The following PLEKHG4B variants were observed in gnomAD, a reference collection of about 807,000 sequenced individuals.
PLEKHG4B encodes pleckstrin homology and RhoGEF domain containing G4B.
PLEKHG4B carries 111 observed loss-of-function variants against 121.3 expected under a neutral mutation model. The observed-to-expected ratio is 0.92, with a 90% CI of 0.78 to 1.07. The LOEUF is 1.07. Ranked by LOEUF, PLEKHG4B falls within the 50% of genes least tolerant of loss-of-function variation. The pLI is 0.00. For missense variants in PLEKHG4B, 1,831 were observed against 1,757.8 expected (o/e 1.04, Z -0.74); for synonymous variants, 738 against 725.0 (o/e 1.02, Z -0.29).
Position 139,828 on chromosome 5 carries a change from G to C in PLEKHG4B, c.589G>C (p.Asp197His), listed in dbSNP as rs1043058269. 2 of 398,732 alleles carry C rather than the reference G, an allele frequency of 5.0e-6. No homozygotes were observed. The highest frequency in any genetic ancestry group is 8.8e-6 in the Non-Finnish European group (2 of 226,318). 24.7% of individuals were successfully genotyped at this position (398,732 alleles called of 1,614,324 possible). A position where few individuals can be genotyped will look rare whatever the true frequency, so the allele number is the denominator to read the frequency against. Residue 197 changes from aspartate (D) to histidine (H), a missense_variant, in exon 3 of 20, where the codon GAC becomes CAC. Asp to His is a moderately conservative substitution (Grantham distance 81). Coordinates refer to ENST00000637938, the MANE Select transcript of PLEKHG4B (RefSeq NM_052909.5). The surrounding 1 kb of genome is among the most constrained non-coding windows in gnomAD (Gnocchi z 5.0). ...CCGAGCCCCGTGGAGCGACGTCACT[G>C]ACCCTGTCTTTGTCCCCAGCCCTGG... ...VHRAPWSDVTDPVFVPSPGAI... is the reference protein window; with the variant it reads ...VHRAPWSDVTHPVFVPSPGAI...
At chr5:115,951 T>C (rs1734296315) in intron 2 of PLEKHG4B, among the ~76,000 whole-genome samples, 1 of 152,250 alleles carries the variant, frequency 6.6e-6, no homozygotes, top group Non-Finnish European at 1.5e-5. Context: ...GAGTGGACTT[T>C]TAATTTCCTT....
Position 172,881 on chromosome 5 carries a change from G to C in PLEKHG4B, c.4051-16G>C, listed in dbSNP as rs747956504. On this transcript the variant is annotated splice_polypyrimidine_tract_variant and intron_variant, in intron 16 of 19. Coordinates refer to ENST00000637938, the MANE Select transcript of PLEKHG4B (RefSeq NM_052909.5). ...GGATTTTCTTGGATGAAATCCACCTGTGTGTTCCTCTGCAGGTGAATTTGA... is the reference window on the plus strand; with the variant it reads ...GGATTTTCTTGGATGAAATCCACCTCTGTGTTCCTCTGCAGGTGAATTTGA... 7.3e-5 allele frequency: 118 copies of C among 1,613,924 alleles called. 1 individual carries two copies. In the South Asian group the frequency reaches 1.2e-3, roughly 17 times the overall value.
chr5:131,721 C>T (rs915834368), intron 2 of PLEKHG4B, among the ~76,000 whole-genome samples: 2 of 152,182 alleles, frequency 1.3e-5, no homozygotes, highest in Non-Finnish European at 2.9e-5. Flanking sequence ...CTAATTTACA[C>T]TCCCACCAAC....
chr5:163,682 G>C lies in PLEKHG4B; in HGVS notation c.3476+134G>C, dbSNP rs571750793. ...GACATCCCTCTGGGTCCACCTGTCC[G>C]GTCTAAGAAGAAACACAATTTTAAA... On this transcript the variant is annotated intron_variant, in intron 13 of 19. Coordinates refer to ENST00000637938, the MANE Select transcript of PLEKHG4B (RefSeq NM_052909.5). 1.1e-5 allele frequency: 9 copies of C among 783,406 alleles called. 1 individual carries two copies. The South Asian group carries it at 1.5e-4, about 13-fold the overall frequency. The allele number at this position is 783,406 out of a possible 1,614,324, so 48.5% of individuals were successfully genotyped here. A position where few individuals can be genotyped will look rare whatever the true frequency, so the allele number is the denominator to read the frequency against.
intron 16 of PLEKHG4B, among the ~76,000 whole-genome samples, chr5:172,311 C>T (rs999088263): frequency 2.0e-5 from 3 of 152,172 alleles, no homozygotes; most frequent in South Asian, 4.1e-4. Flanking sequence ...GCCCGTCATG[C>T]GGGTAAATTC....
intron 5 of PLEKHG4B, 22 bp from the exon 6 acceptor site, chr5:144,805 T>A (rs1735348723): frequency 6.2e-7 from 1 of 1,601,546 alleles, no homozygotes; most frequent in Admixed American, 1.7e-5. Flanking sequence ...GTGGTTAAGA[T>A]GGGCTGTCTT....
intron 7 of PLEKHG4B, among the ~76,000 whole-genome samples, chr5:151,965 T>C (rs1735619249): frequency 6.6e-6 from 1 of 152,254 alleles, no homozygotes; most frequent in Admixed American, 6.5e-5. Flanking sequence ...AAGATACTGC[T>C]CTGTTGCCTT....
At position 156,166 on chromosome 5, in the gene PLEKHG4B, C is replaced by T; in HGVS notation, c.2304C>T (p.Val768=). The T allele has an allele frequency of 6.3e-7, 1 of 1,586,082 alleles. No individual in the cohort carries two copies. The highest frequency in any genetic ancestry group is 8.6e-7 in the Non-Finnish European group (1 of 1,166,650). The part of the protein sequence containing the change: ...LVSLRLEGGT[V]LARLRREELG... ...CTCTCAGGCTGGAGGGGGGCACCGT[C>T]CTGGCGCGGCTGAGGAGAGAAGAGC... Residue 768 remains valine, a synonymous_variant, in exon 10 of 20, where the codon GTC becomes GTT. Coordinates refer to ENST00000637938, the MANE Select transcript of PLEKHG4B (RefSeq NM_052909.5). This position sits in a 1 kb window ranked among gnomAD's most constrained non-coding sequence, Gnocchi z 4.4.
chr5:171,588 T>G, intron 16 of PLEKHG4B, 144 bp downstream of exon 16: 1 of 848,722 alleles, frequency 1.2e-6, no homozygotes, highest in Non-Finnish European at 1.8e-6. Flanking sequence ...CACAGCCTTC[T>G]GAAGGCCGCA....
At chr5:120,226 T>C (rs947635260) in intron 2 of PLEKHG4B, among the ~76,000 whole-genome samples, 2 of 152,194 alleles carry the variant, frequency 1.3e-5, no homozygotes, top group African/African-American at 4.8e-5. Flanking sequence ...GCACTTGGCC[T>C]GGGCAACACA....
intron 7 of PLEKHG4B, among the ~76,000 whole-genome samples, chr5:154,370 C>A (rs1406815395): frequency 6.6e-6 from 1 of 152,130 alleles, no homozygotes; most frequent in African/African-American, 2.4e-5. Flanking sequence ...TGCCTGTTTT[C>A]TGTTGGAGCT....
intron 6 of PLEKHG4B, among the ~76,000 whole-genome samples, chr5:146,321 C>T (rs1413919200): frequency 1.6e-5 from 2 of 125,964 alleles, no homozygotes; most frequent in East Asian, 2.8e-4. Flanking sequence ...CCACCATAGT[C>T]CTCCATCCTC....
chr5:154,326 CT>C (rs892505381), intron 7 of PLEKHG4B, among the ~76,000 whole-genome samples: 4 of 151,900 alleles, frequency 2.6e-5, no homozygotes, highest in Admixed American at 6.6e-5. Flanking sequence ...TTTTCTTTTT[CT>C]TTTTTTTACA....
intron 2 of PLEKHG4B, among the ~76,000 whole-genome samples, chr5:133,248 G>C (rs529775181): frequency 1.3e-5 from 2 of 152,142 alleles, no homozygotes; most frequent in South Asian, 4.2e-4. Flanking sequence ...TTTGTGTCCT[G>C]AAACTTTGCT....
At chr5:105,405 G>A (rs1733948215) in intron 1 of PLEKHG4B, among the ~76,000 whole-genome samples, 1 of 152,244 alleles carries the variant, frequency 6.6e-6, no homozygotes, top group Non-Finnish European at 1.5e-5. Flanking sequence ...ATCTGAAGGT[G>A]TTTGAAAGAA....
intron 3 of PLEKHG4B, 68 bp downstream of exon 3, chr5:140,784 C>T (rs1488182965): frequency 4.8e-5 from 64 of 1,342,462 alleles, no homozygotes; most frequent in Non-Finnish European, 5.9e-5. Context: ...CAATCTCCCC[C>T]TGCACACCCC....
At chr5:135,725 ATATG>A (rs1553985257) in intron 2 of PLEKHG4B, among the ~76,000 whole-genome samples, 2 of 108,684 alleles carry the variant, frequency 1.8e-5, no homozygotes, top group African/African-American at 3.4e-5. Flanking sequence ...ATATATATAT[ATATG>A]TATGTCAGTA....
rs113210108 is a variant in PLEKHG4B, at chr5:94,020, C to T, written c.45+1744C>T. On this transcript the variant is annotated intron_variant, in intron 1 of 19. Transcript: ENST00000637938. ...TGCGTTTGAACAAAAGTCAGGCCATCTAGAGCCTCCTAACTCTCACCTCAG... is the reference window on the plus strand; with the variant it reads ...TGCGTTTGAACAAAAGTCAGGCCATTTAGAGCCTCCTAACTCTCACCTCAG... 2.8e-3 allele frequency among the ~76,000 whole-genome samples: 429 copies of T among 152,334 alleles called. 1 individual carries two copies. The highest frequency in any genetic ancestry group is 9.4e-3 in the African/African-American group (390 of 41,572).
Position 143,449 on chromosome 5 carries a change from A to C in PLEKHG4B, c.1757A>C (p.His586Pro), listed in dbSNP as rs1456089863. The stretch of plus-strand genomic sequence containing the variant: ...AGGAGCCTGCTCTGGACCAGGGAAC[A>C]CTCGTCCTGTGCTGAGCTGACCCGC... ...RTRSLLWTRE[H>P]SSCAELTRLL... The change falls in exon 5 of 20, where the codon CAC becomes CCC. Residue 586 changes from histidine to proline, a missense_variant. Transcript: ENST00000637938. The C allele has an allele frequency of 3.7e-6, 6 of 1,612,600 alleles. No homozygotes were observed. Among genetic ancestry groups the C allele is most frequent in the Non-Finnish European group, 5.1e-6 (6 of 1,179,958 alleles).
Sources: allele counts gnomAD v4.1 joint callset (sites outside exome capture counted in the v4.1 genomes callset), GRCh38; gene constraint gnomAD v4.1.1; non-coding constraint Gnocchi (gnomAD v3.1); transcripts MANE v1.5; gene names NCBI Gene and HGNC (gene_info 2026-07-23, HGNC 2026-07-21).